Variants in APLP2 observed in about 807,000 individuals in gnomAD.
The protein encoded by APLP2 is CDEI box-binding protein.
In APLP2, 53 loss-of-function variants were observed where a neutral mutation model predicts 89.9. That is an observed-to-expected ratio of 0.59 (90% CI 0.47 to 0.74). APLP2 has a LOEUF of 0.74. APLP2 is among the 30% of genes least tolerant of loss of function. The pLI is 0.00. For missense variants in APLP2, 973 were observed against 975.9 expected (o/e 1.00, Z 0.04); for synonymous variants, 372 against 348.6 (o/e 1.07, Z -0.75).
chr11:130,107,903 T>A (rs986899279), intron 1 of APLP2, among the ~76,000 whole-genome samples: 40 of 152,012 alleles, frequency 2.6e-4, no homozygotes, highest in Non-Finnish European at 4.4e-4. Context: ...CCCTCAGAAA[T>A]AACACCACAC....
At chr11:130,140,307 A>G (rs1359330378) in intron 13 of APLP2, 91 bp from the exon 14 acceptor site, 2 of 943,450 alleles carry the variant, frequency 2.1e-6, no homozygotes, top group Non-Finnish European at 3.2e-6. Context: ...TGAGGGGCTC[A>G]CTGGCCCTCA....
chr11:130,091,282 C>T (rs9667352), intron 1 of APLP2, among the ~76,000 whole-genome samples: 3,381 of 73,136 alleles, frequency 0.046, no homozygotes, highest in Admixed American at 0.071. Context: ...ACCCCCCCAC[C>T]TCCCTCCCGG....
chr11:130,118,002 G>A lies in APLP2; in HGVS notation c.404-2704G>A, dbSNP rs548557351. 5.9e-5 allele frequency among the ~76,000 whole-genome samples: 9 copies of A among 151,924 alleles called. No homozygotes were observed. In the East Asian group the frequency reaches 1.2e-3, roughly 20 times the overall value. ...TGAGGCAGGAGAATCACTTGAACCC[G>A]GGAGGCAGAGTTTGTAGTGAGCTGA... On this transcript the variant is annotated intron_variant, in intron 3 of 16. Coordinates refer to ENST00000338167, the MANE Select transcript of APLP2 (RefSeq NM_001142276.2).
At chr11:130,119,078 A>G (rs1028720359) in intron 3 of APLP2, among the ~76,000 whole-genome samples, 1 of 152,024 alleles carries the variant, frequency 6.6e-6, no homozygotes, top group Non-Finnish European at 1.5e-5. Context: ...ATCCTGAGAG[A>G]CTCATCCATG....
chr11:130,097,477 T>G (rs1946360253), intron 1 of APLP2, among the ~76,000 whole-genome samples: 1 of 152,176 alleles, frequency 6.6e-6, no homozygotes, highest in African/African-American at 2.4e-5. Flanking sequence ...GAGGATTGTT[T>G]GAGGCTGGGA....
intron 1 of APLP2, among the ~76,000 whole-genome samples, chr11:130,106,121 A>G (rs1182534968): frequency 6.6e-6 from 1 of 152,238 alleles, no homozygotes; most frequent in African/African-American, 2.4e-5. Flanking sequence ...TGGGCCAAAG[A>G]CAGATCTTAT....
At chr11:130,140,987 A>G (rs1464106168) in intron 14 of APLP2, 2 of 153,976 alleles carry the variant, frequency 1.3e-5, no homozygotes, top group Non-Finnish European at 2.9e-5. Context: ...GCTCACTGCA[A>G]GCTCCACCTC....
In APLP2 at chr11:130,141,463, G is replaced by T. The variant is rs756210155; in HGVS notation, c.1924-35G>T. ...AAATACCAAACTCCCCGTTCACCCAGTTGCTTGCTGCCGACATTCTCATGA... is the reference window on the plus strand; with the variant it reads ...AAATACCAAACTCCCCGTTCACCCATTTGCTTGCTGCCGACATTCTCATGA... On this transcript the variant is annotated intron_variant, in intron 14 of 16. Transcript: ENST00000338167. The surrounding 1 kb of genome is among the most constrained non-coding windows in gnomAD (Gnocchi z 4.2). 2 of 1,577,826 alleles carry T rather than the reference G, an allele frequency of 1.3e-6. No individual in the cohort carries two copies. Among genetic ancestry groups the T allele is most frequent in the Admixed American group, 3.3e-5 (2 of 59,906 alleles).
At chr11:130,138,470 G>A (rs1303432268) in intron 13 of APLP2, among the ~76,000 whole-genome samples, 1 of 151,706 alleles carries the variant, frequency 6.6e-6, no homozygotes, top group Non-Finnish European at 1.5e-5. Flanking sequence ...ACTGTTATGA[G>A]TTGGGACAAT....
rs1390276089 is a variant in APLP2 at position 130,123,952 on chromosome 11, G to A, written c.1090+173G>A. Reference sequence around the variant, plus strand: ...TAGATCTAGGCTTTGCTCTCCTGCCGGCAGTGGTAAGCTCAGTTCTCGTGT... The same window carrying A: ...TAGATCTAGGCTTTGCTCTCCTGCCAGCAGTGGTAAGCTCAGTTCTCGTGT... On this transcript the variant is annotated intron_variant, in intron 7 of 16. Coordinates refer to ENST00000338167, the MANE Select transcript of APLP2 (RefSeq NM_001142276.2). This position sits in a 1 kb window ranked among gnomAD's most constrained non-coding sequence, Gnocchi z 4.0. Among the ~76,000 whole-genome samples the A allele has an allele frequency of 2.0e-5, 3 of 152,088 alleles. No individual in the cohort carries two copies. The highest frequency in any genetic ancestry group is 4.4e-5 in the Non-Finnish European group (3 of 68,006).
intron 1 of APLP2, among the ~76,000 whole-genome samples, chr11:130,091,723 A>ACC (rs1211998735): frequency 0.024 from 2,469 of 101,692 alleles, 1 homozygote; most frequent in Non-Finnish European, 0.028. Context: ...CGGGGGGCTG[A>ACC]CCCCCCCACC....
chr11:130,112,239 G>A (rs1342847408), intron 3 of APLP2, among the ~76,000 whole-genome samples: 6 of 152,164 alleles, frequency 3.9e-5, no homozygotes, highest in African/African-American at 1.4e-4. Flanking sequence ...ACTACTAGCT[G>A]GAAGTAATTT....
chr11:130,135,122 A>G (rs1591845032), intron 12 of APLP2, among the ~76,000 whole-genome samples: 1 of 152,048 alleles, frequency 6.6e-6, no homozygotes, highest in African/African-American at 2.4e-5. Flanking sequence ...GATGGGATGG[A>G]CAGCATGAGG....
At chr11:130,113,033 A>G (rs1948776020) in intron 3 of APLP2, among the ~76,000 whole-genome samples, 3 of 152,084 alleles carry the variant, frequency 2.0e-5, no homozygotes, top group African/African-American at 7.2e-5. Context: ...TTTTCTATCC[A>G]TTCATCCAGG....
At chr11:130,072,368 G>A (rs1054451934) in intron 1 of APLP2, among the ~76,000 whole-genome samples, 3 of 152,160 alleles carry the variant, frequency 2.0e-5, no homozygotes, top group African/African-American at 7.2e-5. Flanking sequence ...TGTCAACTGA[G>A]GCAGAGTAGA....
chr11:130,084,648 A>G (rs1943809910), intron 1 of APLP2, among the ~76,000 whole-genome samples: 1 of 152,180 alleles, frequency 6.6e-6, no homozygotes, highest in Non-Finnish European at 1.5e-5. Context: ...TGAAAACACA[A>G]CATACCAAAA....
intron 9 of APLP2, among the ~76,000 whole-genome samples, chr11:130,128,139 T>C (rs1025020546): frequency 1.7e-4 from 26 of 152,206 alleles, no homozygotes; most frequent in African/African-American, 6.3e-4. Context: ...TCTTAGACTG[T>C]GACTTGTTTT....
rs1950790403 is a variant in APLP2 at position 130,130,204 on chromosome 11, AT to A, written c.1584+41del. On this transcript the variant is annotated intron_variant, in intron 11 of 16. Transcript: ENST00000338167. ...TAGTAGAAATTGCTGCCGTGAGGGCATTTCCAGTGGGGAACATAATGCCTTG... is the reference window on the plus strand; with the variant it reads ...TAGTAGAAATTGCTGCCGTGAGGGCATTCCAGTGGGGAACATAATGCCTTG... 3 of 1,614,050 alleles carry A rather than the reference AT, an allele frequency of 1.9e-6. No homozygotes were observed. The East Asian group carries it at 6.7e-5, about 36-fold the overall frequency.
intron 1 of APLP2, among the ~76,000 whole-genome samples, chr11:130,095,588 C>G: frequency 6.6e-6 from 1 of 152,230 alleles, no homozygotes; most frequent in East Asian, 1.9e-4. Context: ...AGAGCAGGCT[C>G]CACTTGGGTG....
Sources: allele counts gnomAD v4.1 joint callset (sites outside exome capture counted in the v4.1 genomes callset), GRCh38; gene constraint gnomAD v4.1.1; non-coding constraint Gnocchi (gnomAD v3.1); transcripts MANE v1.5; gene names NCBI Gene and HGNC (gene_info 2026-07-23, HGNC 2026-07-21).